The following COG5 variants were observed in gnomAD, a reference collection of about 807,000 sequenced individuals.
COG5 encodes conserved oligomeric Golgi complex subunit 5.
In COG5, 86 loss-of-function variants were observed where a neutral mutation model predicts 110.4. That is an observed-to-expected ratio of 0.78 (90% CI 0.65 to 0.93). COG5 has a LOEUF of 0.93. Among genes scored for constraint, COG5 ranks in the 40% least tolerant of loss-of-function variants. The pLI is 0.00. For synonymous variants in COG5, 360 were observed against 334.6 expected, an observed-to-expected ratio of 1.08 and a Z score of -0.83; for missense variants, 1,077 against 987.0, an observed-to-expected ratio of 1.09 and a Z score of -1.22.
At chr7:107,509,357 A>G (rs1362203341) in intron 6 of COG5, among the ~76,000 whole-genome samples, 2 of 152,192 alleles carry the variant, frequency 1.3e-5, no homozygotes, top group African/African-American at 4.8e-5. Context: ...AAAAAAGAAT[A>G]AAAAGAAATG....
At chr7:107,442,447 T>C (rs577116449) in intron 6 of COG5, among the ~76,000 whole-genome samples, 2 of 152,096 alleles carry the variant, frequency 1.3e-5, no homozygotes, top group East Asian at 3.9e-4. Flanking sequence ...AAGAGAAAGC[T>C]TGATATGGCT....
rs571265183 is a variant in COG5 at position 107,303,281 on chromosome 7, T to C, written c.1109-4935A>G. The stretch of plus-strand genomic sequence containing the variant: ...AAAATCTTATCTATACAGAACAAAT[T>C]ACTACTGAGGGTTTAAGCCAAACTT... On this transcript the variant is annotated intron_variant, in intron 11 of 21. Transcript: ENST00000297135. Among the ~76,000 whole-genome samples, 4 of 152,184 alleles carry C rather than the reference T, an allele frequency of 2.6e-5. No homozygotes were observed. In the East Asian group the frequency reaches 7.7e-4, roughly 29 times the overall value.
chr7:107,441,664 A>G (rs983313858), intron 6 of COG5, among the ~76,000 whole-genome samples: 10 of 152,180 alleles, frequency 6.6e-5, no homozygotes, highest in Non-Finnish European at 1.5e-5. Context: ...TCCACATAAC[A>G]TATTTTCTAA....
chr7:107,487,223 A>G (rs1797706305), intron 6 of COG5, among the ~76,000 whole-genome samples: 1 of 152,208 alleles, frequency 6.6e-6, no homozygotes, highest in African/African-American at 2.4e-5. Context: ...CAAAAGGAAA[A>G]TAGGCAAAGA....
chr7:107,552,470 TAA>T (rs1167047513), intron 3 of COG5, among the ~76,000 whole-genome samples: 1 of 151,328 alleles, frequency 6.6e-6, no homozygotes, highest in Non-Finnish European at 1.5e-5. Context: ...GCAAAAGACA[TAA>T]AGAGACATTT....
At chr7:107,536,839 A>AT in intron 5 of COG5, among the ~76,000 whole-genome samples, 1 of 152,368 alleles carries the variant, frequency 6.6e-6, no homozygotes, top group South Asian at 2.1e-4. Flanking sequence ...AGCTAGAGGC[A>AT]TCACACTGCC....
intron 17 of COG5, among the ~76,000 whole-genome samples, chr7:107,241,968 G>A (rs1801676146): frequency 6.6e-6 from 1 of 152,016 alleles, no homozygotes; most frequent in South Asian, 2.1e-4. Context: ...TTTTTGTAGA[G>A]ACAGGGTTTC....
At chr7:107,308,476 T>TTTGC (rs1398739898) in intron 11 of COG5, among the ~76,000 whole-genome samples, 1 of 152,164 alleles carries the variant, frequency 6.6e-6, no homozygotes, top group Non-Finnish European at 1.5e-5. Flanking sequence ...TTCTGAAGTG[T>TTTGC]TTGCCTTTTT....
At chr7:107,527,782 T>A (rs1800880259) in intron 5 of COG5, among the ~76,000 whole-genome samples, 1 of 152,198 alleles carries the variant, frequency 6.6e-6, no homozygotes, top group Non-Finnish European at 1.5e-5. Context: ...CTAAACCAGC[T>A]TTCTTCTCTA....
chr7:107,527,506 G>A, intron 5 of COG5, 149 bp from the exon 6 acceptor site: 1 of 797,430 alleles, frequency 1.3e-6, no homozygotes, highest in Non-Finnish European at 2.0e-6. Context: ...ATGTATCCCG[G>A]AACTTAAATT....
At chr7:107,555,719 G>A (rs772260942) in intron 2 of COG5, among the ~76,000 whole-genome samples, 1 of 152,134 alleles carries the variant, frequency 6.6e-6, no homozygotes, top group Non-Finnish European at 1.5e-5. Context: ...AGACAAGAGA[G>A]AGGAAAGCTA....
intron 6 of COG5, among the ~76,000 whole-genome samples, chr7:107,447,453 T>G (rs1795075156): frequency 6.6e-6 from 1 of 152,226 alleles, no homozygotes; most frequent in Non-Finnish European, 1.5e-5. Context: ...CATAAATGTT[T>G]GTTGTTTTAA....
At chr7:107,378,324 G>A (rs1223057522) in intron 7 of COG5, among the ~76,000 whole-genome samples, 2 of 152,056 alleles carry the variant, frequency 1.3e-5, no homozygotes, top group African/African-American at 2.4e-5. Flanking sequence ...AAAAACCAGC[G>A]CAAAAAGGTT....
At chr7:107,355,357 G>A (rs192033887) in intron 10 of COG5, among the ~76,000 whole-genome samples, 76 of 152,270 alleles carry the variant, frequency 5.0e-4, no homozygotes, top group African/African-American at 1.8e-3. Flanking sequence ...CAGTTTGGCA[G>A]TTTCTTACTA....
chr7:107,409,082 GA>G (rs1792079470), intron 7 of COG5, among the ~76,000 whole-genome samples: 1 of 151,852 alleles, frequency 6.6e-6, no homozygotes. Context: ...AGCAGATTGA[GA>G]TTTTAAAGTT....
intron 6 of COG5, among the ~76,000 whole-genome samples, chr7:107,514,229 A>G (rs1384838177): frequency 5.3e-5 from 8 of 151,968 alleles, no homozygotes; most frequent in Non-Finnish European, 1.2e-4. Context: ...TGATTCTTCA[A>G]TAATGCAATA....
intron 17 of COG5, among the ~76,000 whole-genome samples, chr7:107,247,412 A>G (rs1475679196): frequency 3.3e-5 from 5 of 152,238 alleles, no homozygotes; most frequent in Admixed American, 3.3e-4. Flanking sequence ...AAATGAAATA[A>G]TAAGTTGAAA....
At chr7:107,225,095 A>T (rs1406130256) in intron 19 of COG5, among the ~76,000 whole-genome samples, 1 of 152,050 alleles carries the variant, frequency 6.6e-6, no homozygotes, top group Non-Finnish European at 1.5e-5. Context: ...TCTGGACTCA[A>T]ACTCCAGCTG....
At chr7:107,464,211 A>G (rs1471956526) in intron 6 of COG5, among the ~76,000 whole-genome samples, 3 of 152,156 alleles carry the variant, frequency 2.0e-5, no homozygotes, top group Admixed American at 2.0e-4. Context: ...ATGAACTTAT[A>G]ATATACTTAG....
Sources: allele counts gnomAD v4.1 joint callset (sites outside exome capture counted in the v4.1 genomes callset), GRCh38; gene constraint gnomAD v4.1.1; transcripts MANE v1.5; gene names NCBI Gene and HGNC (gene_info 2026-07-23, HGNC 2026-07-21).